The following ZSWIM6 variants were observed in gnomAD, a reference collection of about 807,000 sequenced individuals.
ZSWIM6 encodes zinc finger SWIM domain-containing protein 6.
A neutral mutation model predicts 113.2 loss-of-function variants in ZSWIM6; 9 were observed. The observed-to-expected ratio is 0.08, with a 90% CI of 0.05 to 0.14. The LOEUF (loss-of-function observed/expected upper bound fraction) is 0.14, where lower values mean the gene tolerates loss of function less well. Ranked by LOEUF, ZSWIM6 falls within the 10% of genes least tolerant of loss-of-function variation. ZSWIM6 has a pLI of 1.00. For synonymous variants in ZSWIM6, 611 were observed against 606.5 expected (o/e 1.01, Z -0.11); for missense variants, 1,162 against 1,552.2 (o/e 0.75, Z 4.22).
intron 2 of ZSWIM6, among the ~76,000 whole-genome samples, chr5:61,487,236 G>A (rs1246024694): frequency 1.3e-5 from 2 of 152,032 alleles, no homozygotes; most frequent in Admixed American, 6.6e-5. Context: ...TCTCTGTTAT[G>A]TTTCATTGGT....
At chr5:61,469,121 T>C (rs559959291) in intron 1 of ZSWIM6, among the ~76,000 whole-genome samples, 1 of 152,270 alleles carries the variant, frequency 6.6e-6, no homozygotes, top group South Asian at 2.1e-4. Flanking sequence ...ATAAAGAAAG[T>C]TAGCAGTATA....
At chr5:61,350,277 C>T (rs1744753094) in intron 1 of ZSWIM6, among the ~76,000 whole-genome samples, 1 of 152,174 alleles carries the variant, frequency 6.6e-6, no homozygotes, top group African/African-American at 2.4e-5. Flanking sequence ...TTACCCTAGG[C>T]ATACATCTTG....
At chr5:61,439,512 CAG>C (rs2112145117) in intron 1 of ZSWIM6, among the ~76,000 whole-genome samples, 1 of 152,236 alleles carries the variant, frequency 6.6e-6, no homozygotes, top group African/African-American at 2.4e-5. Flanking sequence ...AACAGTTAAA[CAG>C]ATAGTTATGG....
intron 4 of ZSWIM6, among the ~76,000 whole-genome samples, chr5:61,496,639 G>A (rs1748323577): frequency 6.6e-6 from 1 of 152,136 alleles, no homozygotes; most frequent in African/African-American, 2.4e-5. Context: ...GCTGTGAAAT[G>A]AAATTGGAAG....
intron 1 of ZSWIM6, among the ~76,000 whole-genome samples, chr5:61,442,902 G>A (rs1017933904): frequency 1.8e-4 from 27 of 152,086 alleles, no homozygotes; most frequent in South Asian, 2.1e-4. Context: ...AAGAAAAAAC[G>A]TTCTCCAGAC....
chr5:61,350,117 G>A (rs2112038078), intron 1 of ZSWIM6, among the ~76,000 whole-genome samples: 1 of 152,342 alleles, frequency 6.6e-6, no homozygotes, highest in East Asian at 1.9e-4. Context: ...TGTACTCTCA[G>A]TGCTTGGCCC....
chr5:61,365,378 T>A (rs1330758828), intron 1 of ZSWIM6, among the ~76,000 whole-genome samples: 2 of 151,974 alleles, frequency 1.3e-5, no homozygotes, highest in Middle Eastern at 3.4e-3. Context: ...ATATATATAT[T>A]TTATCAATCA....
intron 2 of ZSWIM6, among the ~76,000 whole-genome samples, chr5:61,475,544 GCTT>G (rs1418492938): frequency 6.6e-6 from 1 of 152,146 alleles, no homozygotes; most frequent in East Asian, 1.9e-4. Flanking sequence ...TATAGGAACA[GCTT>G]CTCCAGAGCA....
rs1464317441 is a variant in ZSWIM6, at chr5:61,332,568, A to G, written c.296A>G (p.Glu99Gly). ...WPFQRVEERF[E>G]RIPEPVQRRI... ...TTCCAGCGCGTGGAGGAGCGCTTTG[A>G]GCGCATCCCGGAGCCGGTGCAGCGC... Residue 99 changes from glutamate to glycine, a missense_variant, in exon 1 of 14, where the codon GAG becomes GGG. Transcript: ENST00000252744. 2 of 1,362,802 alleles carry G rather than the reference A, an allele frequency of 1.5e-6. No individual in the cohort carries two copies. Among genetic ancestry groups the G allele is most frequent in the East Asian group, 3.9e-5 (1 of 25,750 alleles). 84.4% of individuals were successfully genotyped at this position (1,362,802 alleles called of 1,614,324 possible).
At chr5:61,428,725 G>T (rs1450974014) in intron 1 of ZSWIM6, among the ~76,000 whole-genome samples, 1 of 151,990 alleles carries the variant, frequency 6.6e-6, no homozygotes, top group Non-Finnish European at 1.5e-5. Context: ...TATTTGAAGG[G>T]ATACAGAACA....
intron 5 of ZSWIM6, among the ~76,000 whole-genome samples, chr5:61,523,101 T>A (rs1441643884): frequency 1.3e-5 from 2 of 152,216 alleles, no homozygotes; most frequent in Non-Finnish European, 2.9e-5. Flanking sequence ...GTACCTACTT[T>A]TAGCAGAATA....
At chr5:61,519,042 G>A (rs540421869) in intron 4 of ZSWIM6, among the ~76,000 whole-genome samples, 1 of 152,206 alleles carries the variant, frequency 6.6e-6, no homozygotes, top group South Asian at 2.1e-4. Flanking sequence ...TTATTAAATA[G>A]GGAATCCTTT....
At chr5:61,357,064 T>G (rs1579950636) in intron 1 of ZSWIM6, among the ~76,000 whole-genome samples, 1 of 152,078 alleles carries the variant, frequency 6.6e-6, no homozygotes. Context: ...ATACACATTC[T>G]TGGGCTTCAC....
chr5:61,465,200 A>G (rs1023515958), intron 1 of ZSWIM6, among the ~76,000 whole-genome samples: 1 of 152,228 alleles, frequency 6.6e-6, no homozygotes, highest in African/African-American at 2.4e-5. Flanking sequence ...TTGCAGAGTT[A>G]CAGTTGTGAA....
chr5:61,362,941 C>A (rs1026889492), intron 1 of ZSWIM6, among the ~76,000 whole-genome samples: 1 of 152,248 alleles, frequency 6.6e-6, no homozygotes, highest in Non-Finnish European at 1.5e-5. Flanking sequence ...ATCCCTAAAA[C>A]ATGCCATGCT....
chr5:61,518,839 T>C (rs990087015), intron 4 of ZSWIM6, among the ~76,000 whole-genome samples: 28 of 152,222 alleles, frequency 1.8e-4, no homozygotes, highest in African/African-American at 6.5e-4. Context: ...TTGCTTTTGG[T>C]GTTTTAGACA....
chr5:61,482,249 T>C (rs181652689), intron 2 of ZSWIM6, among the ~76,000 whole-genome samples: 4 of 151,944 alleles, frequency 2.6e-5, no homozygotes, highest in Admixed American at 2.6e-4. Context: ...ACTATAAGAA[T>C]AGAAAACCAA....
chr5:61,351,269 A>G (rs1221023791), intron 1 of ZSWIM6, among the ~76,000 whole-genome samples: 1 of 152,192 alleles, frequency 6.6e-6, no homozygotes, highest in Non-Finnish European at 1.5e-5. Flanking sequence ...GAAAATGGAA[A>G]AGGGACAGCT....
At chr5:61,409,437 A>G (rs1302916974) in intron 1 of ZSWIM6, among the ~76,000 whole-genome samples, 1 of 152,194 alleles carries the variant, frequency 6.6e-6, no homozygotes, top group Non-Finnish European at 1.5e-5. Context: ...AATTGGCAAG[A>G]TTAATTATAT....
Sources: gnomAD v4.1 joint callset for allele counts (sites outside exome capture counted in the v4.1 genomes callset) on GRCh38, gnomAD v4.1.1 for gene constraint, MANE v1.5 for transcripts, NCBI Gene and HGNC (gene_info 2026-07-23, HGNC 2026-07-21) for gene names.